The following GULP1 variants were observed in gnomAD, a reference collection of about 807,000 sequenced individuals.
GULP1 encodes PTB domain-containing engulfment adapter protein 1.
GULP1 carries 19 observed loss-of-function variants against 40.9 expected under a neutral mutation model. The ratio of observed to expected loss-of-function variants is 0.46; its 90% CI spans 0.32 to 0.68. GULP1 has a LOEUF of 0.68. GULP1 is among the 30% of genes least tolerant of loss of function. The pLI, the probability that GULP1 is intolerant of heterozygous loss-of-function variation, is 0.03. For synonymous variants in GULP1, 119 were observed against 117.6 expected (o/e 1.01, Z -0.08); for missense variants, 312 against 362.2 (o/e 0.86, Z 1.12).
intron 2 of GULP1, among the ~76,000 whole-genome samples, chr2:188,397,645 TC>T (rs1174563825): frequency 6.6e-6 from 1 of 152,188 alleles, no homozygotes; most frequent in Non-Finnish European, 1.5e-5. Context: ...ATCTCACAGT[TC>T]CTGTGGACCA....
chr2:188,399,538 C>G (rs56389110), intron 2 of GULP1, among the ~76,000 whole-genome samples: 2 of 151,942 alleles, frequency 1.3e-5, no homozygotes, highest in South Asian at 2.1e-4. Flanking sequence ...TCCTAAAACT[C>G]TTTTTCATAA....
intron 2 of GULP1, among the ~76,000 whole-genome samples, chr2:188,408,612 C>T (rs965035574): frequency 5.3e-5 from 8 of 152,124 alleles, no homozygotes; most frequent in African/African-American, 1.9e-4. Context: ...GACAGATTAT[C>T]TAGACAGAAA....
At chr2:188,356,174 A>C (rs923111800) in intron 1 of GULP1, among the ~76,000 whole-genome samples, 1 of 152,098 alleles carries the variant, frequency 6.6e-6, no homozygotes, top group African/African-American at 2.4e-5. Flanking sequence ...CATGGTACTG[A>C]AAGTCCTAGC....
rs368754153 is a variant in GULP1 at position 188,400,788 on chromosome 2, A to G, written c.-45+16899A>G. On this transcript the variant is annotated intron_variant, in intron 2 of 11. Transcript: ENST00000409830. Reference sequence around the variant, plus strand: ...TAAATTCAATTCTGGTATGTTTACAAAAGTGGAATGGGCTTTGTGTGAATT... The same window carrying G: ...TAAATTCAATTCTGGTATGTTTACAGAAGTGGAATGGGCTTTGTGTGAATT... Among the ~76,000 whole-genome samples the G allele has an allele frequency of 7.2e-5, 11 of 152,276 alleles. No individual in the cohort carries two copies. In the East Asian group the frequency reaches 1.4e-3, roughly 19 times the overall value.
At chr2:188,433,385 G>A (rs2057094423) in intron 2 of GULP1, among the ~76,000 whole-genome samples, 1 of 152,130 alleles carries the variant, frequency 6.6e-6, no homozygotes, top group South Asian at 2.1e-4. Context: ...GGACAGTCCG[G>A]TTTCTCGAGC....
intron 4 of GULP1, among the ~76,000 whole-genome samples, chr2:188,513,263 AT>A (rs1363567372): frequency 1.3e-5 from 2 of 152,136 alleles, no homozygotes; most frequent in African/African-American, 4.8e-5. Context: ...TACACAAAAC[AT>A]TTTTAGATCA....
At chr2:188,588,592 CTT>C (rs1047263188) in intron 11 of GULP1, 13 of 152,220 alleles carry the variant, frequency 8.5e-5, no homozygotes, top group Admixed American at 2.6e-4. Context: ...AAAGTCTTCT[CTT>C]TATATTTGCC....
intron 2 of GULP1, among the ~76,000 whole-genome samples, chr2:188,431,124 CTTTTTCGTTGA>C (rs1427698276): frequency 6.6e-6 from 1 of 152,118 alleles, no homozygotes; most frequent in Non-Finnish European, 1.5e-5. Flanking sequence ...CTTTTTTGAG[CTTTTTCGTTGA>C]TTTTTCAGCA....
intron 2 of GULP1, among the ~76,000 whole-genome samples, chr2:188,385,995 A>T (rs945222645): frequency 3.3e-5 from 5 of 152,164 alleles, no homozygotes; most frequent in African/African-American, 1.2e-4. Flanking sequence ...TCTGCCTGTT[A>T]ACCAGTTCCT....
intron 1 of GULP1, among the ~76,000 whole-genome samples, chr2:188,319,198 T>C (rs2039591666): frequency 6.6e-6 from 1 of 152,178 alleles, no homozygotes; most frequent in Admixed American, 6.6e-5. Context: ...ATCTTGCTTT[T>C]GGGAAAGCTT....
intron 6 of GULP1, among the ~76,000 whole-genome samples, chr2:188,536,721 A>G (rs923748205): frequency 1.3e-5 from 2 of 152,270 alleles, no homozygotes; most frequent in Admixed American, 1.3e-4. Flanking sequence ...TTCCCTGAAA[A>G]ATGGCATTGG....
intron 4 of GULP1, among the ~76,000 whole-genome samples, chr2:188,505,253 T>C (rs1009380891): frequency 6.6e-6 from 1 of 151,730 alleles, no homozygotes. Context: ...GTGTTTTCCT[T>C]CCACAACTAT....
intron 2 of GULP1, among the ~76,000 whole-genome samples, chr2:188,404,067 G>C (rs913067364): frequency 1.3e-5 from 2 of 152,068 alleles, no homozygotes; most frequent in Admixed American, 1.3e-4. Context: ...AATAAAGTAA[G>C]TAGAGTGCAA....
intron 1 of GULP1, among the ~76,000 whole-genome samples, chr2:188,359,677 A>G (rs965290825): frequency 6.6e-6 from 1 of 152,146 alleles, no homozygotes; most frequent in Non-Finnish European, 1.5e-5. Context: ...ATTAAAAATT[A>G]TATTGATGTA....
intron 2 of GULP1, among the ~76,000 whole-genome samples, chr2:188,453,674 G>A (rs1291177400): frequency 6.6e-6 from 1 of 152,118 alleles, no homozygotes; most frequent in Non-Finnish European, 1.5e-5. Flanking sequence ...TATGTAGTTC[G>A]AATTATTATC....
chr2:188,292,825 C>T lies in GULP1; in HGVS notation c.-172+659C>T, dbSNP rs2034073875. 1 of 152,828 alleles carries T rather than the reference C, an allele frequency of 6.5e-6. No individual in the cohort carries two copies. Among genetic ancestry groups the T allele is most frequent in the African/African-American group, 2.4e-5 (1 of 41,466 alleles). The allele number at this position is 152,828 out of a possible 1,614,324, so 9.5% of individuals were successfully genotyped here. A position where few individuals can be genotyped will look rare whatever the true frequency, so the allele number is the denominator to read the frequency against. ...CCCTTCTGCTGCGCGGGTCAAGTAGCTTCTTCTGGAGGGCGCAAGGCGCGG... is the reference window on the plus strand; with the variant it reads ...CCCTTCTGCTGCGCGGGTCAAGTAGTTTCTTCTGGAGGGCGCAAGGCGCGG... On this transcript the variant is annotated intron_variant, in intron 1 of 11. Coordinates refer to ENST00000409830, the MANE Select transcript of GULP1 (RefSeq NM_016315.4). The surrounding 1 kb of genome is among the most constrained non-coding windows in gnomAD (Gnocchi z 4.0).
chr2:188,481,589 A>G (rs1431358762), intron 3 of GULP1, among the ~76,000 whole-genome samples: 2 of 151,934 alleles, frequency 1.3e-5, no homozygotes, highest in African/African-American at 2.4e-5. Context: ...GGTCGCTGCA[A>G]TATGAGTCTG....
At chr2:188,421,646 G>A (rs2055427307) in intron 2 of GULP1, among the ~76,000 whole-genome samples, 1 of 152,104 alleles carries the variant, frequency 6.6e-6, no homozygotes, top group Non-Finnish European at 1.5e-5. Flanking sequence ...CTGGTAGAGT[G>A]CTAACATGCA....
intron 2 of GULP1, among the ~76,000 whole-genome samples, chr2:188,416,609 T>G (rs1022646575): frequency 2.6e-5 from 4 of 152,142 alleles, no homozygotes; most frequent in African/African-American, 7.2e-5. Flanking sequence ...ATGGAAGAGA[T>G]AGGCTGACAA....
Sources: allele counts gnomAD v4.1 joint callset (sites outside exome capture counted in the v4.1 genomes callset), GRCh38; gene constraint gnomAD v4.1.1; non-coding constraint Gnocchi (gnomAD v3.1); transcripts MANE v1.5; gene names NCBI Gene and HGNC (gene_info 2026-07-23, HGNC 2026-07-21).